Variants in CRY1 observed in about 807,000 individuals in gnomAD.
CRY1 encodes cryptochrome circadian regulator 1.
CRY1 carries 45 observed loss-of-function variants against 76.0 expected under a neutral mutation model. The observed-to-expected ratio is 0.59, with a 90% CI of 0.47 to 0.76. CRY1 has a LOEUF of 0.76. CRY1 is among the 30% of genes least tolerant of loss of function. The probability of loss-of-function intolerance (pLI) is 0.00; values close to 1 mark genes in which losing one functional copy is unlikely to be tolerated. For missense variants in CRY1, 587 were observed against 716.4 expected (o/e 0.82, Z 2.06); for synonymous variants, 248 against 244.0 (o/e 1.02, Z -0.15).
chr12:107,013,577 G>T (rs758981086), intron 2 of CRY1, among the ~76,000 whole-genome samples: 10 of 152,116 alleles, frequency 6.6e-5, no homozygotes, highest in Non-Finnish European at 1.2e-4. Flanking sequence ...CATCTCCCAG[G>T]TATGCCTGTA....
chr12:107,043,257 T>C (rs941444491), intron 1 of CRY1: 1 of 152,220 alleles, frequency 6.6e-6, no homozygotes, highest in Non-Finnish European at 1.5e-5. Flanking sequence ...ATCTTGCCTC[T>C]TGCAAAAACA....
chr12:107,058,255 T>C (rs1280350500), intron 1 of CRY1, among the ~76,000 whole-genome samples: 2 of 152,086 alleles, frequency 1.3e-5, no homozygotes, highest in Admixed American at 6.6e-5. Flanking sequence ...CCTCTTCCAC[T>C]AGCACCTGGT....
intron 1 of CRY1, among the ~76,000 whole-genome samples, chr12:107,048,736 C>T (rs759815826): frequency 3.3e-5 from 5 of 152,150 alleles, no homozygotes; most frequent in Admixed American, 6.5e-5. Flanking sequence ...CTTCAGCTAT[C>T]GTATTTTTCA....
At position 107,093,067 on chromosome 12, in the gene CRY1, G is replaced by T. The variant is rs1313708774; in HGVS notation, c.-106C>A. ...AGAATTGCCTCACCCGGGGCGTGAG[G>T]AAAGGGCGGCAGAGGGGGAACAGGA... On this transcript the variant is annotated 5_prime_UTR_variant, in exon 1 of 13. Transcript: ENST00000008527. The T allele has an allele frequency of 3.7e-6, 5 of 1,333,500 alleles. No homozygotes were observed. In the South Asian group the frequency reaches 4.7e-5, roughly 13 times the overall value. The allele number at this position is 1,333,500 out of a possible 1,614,324, so 82.6% of individuals were successfully genotyped here.
At chr12:107,033,285 A>G (rs1952698126) in intron 1 of CRY1, among the ~76,000 whole-genome samples, 1 of 152,218 alleles carries the variant, frequency 6.6e-6, no homozygotes, top group Non-Finnish European at 1.5e-5. Context: ...CAAGAAAAAC[A>G]CAAGAGTCAG....
chr12:107,030,064 C>A (rs1952658961), intron 1 of CRY1, among the ~76,000 whole-genome samples: 2 of 152,082 alleles, frequency 1.3e-5, no homozygotes. Flanking sequence ...TGCAACTAGG[C>A]CTTGTTCACC....
At chr12:107,076,834 C>T (rs913114927) in intron 1 of CRY1, among the ~76,000 whole-genome samples, 6 of 151,908 alleles carry the variant, frequency 3.9e-5, no homozygotes, top group African/African-American at 7.3e-5. Flanking sequence ...TTTACAATGG[C>T]GAGTTCTCAT....
chr12:107,045,823 C>T (rs536440917), intron 1 of CRY1, among the ~76,000 whole-genome samples: 138 of 150,682 alleles, frequency 9.2e-4, no homozygotes, highest in African/African-American at 2.7e-3. Context: ...GTGCGGGGAG[C>T]GGGGGAGGGA....
intron 1 of CRY1, among the ~76,000 whole-genome samples, chr12:107,069,353 T>A (rs1034590400): frequency 2.6e-5 from 4 of 151,146 alleles, no homozygotes; most frequent in African/African-American, 7.3e-5. Flanking sequence ...GCCTCCCGAG[T>A]AGCTGGGACT....
At chr12:106,996,913 T>C (rs1952238640) in intron 10 of CRY1, among the ~76,000 whole-genome samples, 1 of 152,226 alleles carries the variant, frequency 6.6e-6, no homozygotes, top group South Asian at 2.1e-4. Context: ...CAATAAATCT[T>C]TTGGCCATGT....
rs543506177 is a variant in CRY1 at position 107,058,065 on chromosome 12, A to C, written c.158+34739T>G. On this transcript the variant is annotated intron_variant, in intron 1 of 12. Coordinates refer to ENST00000008527, the MANE Select transcript of CRY1 (RefSeq NM_004075.5). Reference sequence around the variant, plus strand: ...AGCAAGGCCCTGTCTCAAAAATAAAAAAACAAACAAATATATAAAGTGTCA... The same window carrying C: ...AGCAAGGCCCTGTCTCAAAAATAAACAAACAAACAAATATATAAAGTGTCA... Among the ~76,000 whole-genome samples the C allele has an allele frequency of 5.1e-4, 77 of 152,292 alleles. No homozygotes were observed. In the South Asian group the frequency reaches 8.3e-3, roughly 16 times the overall value.
chr12:107,055,743 C>T (rs1952974885), intron 1 of CRY1, among the ~76,000 whole-genome samples: 1 of 151,860 alleles, frequency 6.6e-6, no homozygotes, highest in Non-Finnish European at 1.5e-5. Flanking sequence ...GGTGTAATTG[C>T]TCACACCTGT....
At chr12:107,029,870 T>G (rs1293769530) in intron 1 of CRY1, among the ~76,000 whole-genome samples, 1 of 152,186 alleles carries the variant, frequency 6.6e-6, no homozygotes, top group East Asian at 1.9e-4. Context: ...TAGATATCAC[T>G]AATATGCTCT....
Position 107,003,900 on chromosome 12 carries a change from G to A in CRY1, c.410+1206C>T, listed in dbSNP as rs146338065. Reference sequence around the variant, plus strand: ...TGGCTCACTGCAACGTCTGCCTCCCGGGTTCAAGTGATTCTCCTCCCTCAG... The same window carrying A: ...TGGCTCACTGCAACGTCTGCCTCCCAGGTTCAAGTGATTCTCCTCCCTCAG... On this transcript the variant is annotated intron_variant, in intron 3 of 12. Transcript: ENST00000008527. Among the ~76,000 whole-genome samples, 186 of 150,572 alleles carry A rather than the reference G, an allele frequency of 1.2e-3. 1 individual carries two copies. The East Asian group carries it at 0.018, about 15-fold the overall frequency.
chr12:107,092,814 T>C lies in CRY1; in HGVS notation c.148A>G (p.Asn50Asp). The C allele has an allele frequency of 6.2e-7, 1 of 1,611,710 alleles. No homozygotes were observed. The highest frequency in any genetic ancestry group is 8.5e-7 in the Non-Finnish European group (1 of 1,179,846). ...WFAGSSNVGI[N>D]RWRFLLQCLE... ...GGGCTTGTGACTCACCGCCACCTGT[T>C]GATGCCCACATTGGAGGAGCCGGCG... Residue 50 changes from asparagine to aspartate, a missense_variant, in exon 1 of 13, where the codon AAC becomes GAC. Coordinates refer to ENST00000008527, the MANE Select transcript of CRY1 (RefSeq NM_004075.5).
intron 1 of CRY1, among the ~76,000 whole-genome samples, chr12:107,064,668 C>T (rs533390165): frequency 8.5e-5 from 13 of 152,114 alleles, no homozygotes; most frequent in Non-Finnish European, 1.5e-4. Flanking sequence ...CACACAATAT[C>T]GCCAAATAAC....
intron 1 of CRY1, among the ~76,000 whole-genome samples, chr12:107,072,641 T>C (rs1953203853): frequency 6.6e-6 from 1 of 152,180 alleles, no homozygotes; most frequent in Non-Finnish European, 1.5e-5. Context: ...AAAAGAAAAA[T>C]ATGAATTAAT....
chr12:107,017,106 A>G (rs1952504960), intron 2 of CRY1, among the ~76,000 whole-genome samples: 1 of 152,206 alleles, frequency 6.6e-6, no homozygotes, highest in South Asian at 2.1e-4. Context: ...TCATGAGTTA[A>G]ATCATGTCAC....
rs1413044623 is a variant in CRY1 at position 106,998,679 on chromosome 12, C to CACACACACACACAT, written c.1138-614_1138-613insATGTGTGTGTGTGT. On this transcript the variant is annotated intron_variant, in intron 7 of 12. Transcript: ENST00000008527. ...GATTAAACACACACACACACACACA[C>CACACACACACACAT]ACACACACACACAAGCTCAGAAATG... Among the ~76,000 whole-genome samples, 672 of 151,744 alleles carry CACACACACACACAT rather than the reference C, an allele frequency of 4.4e-3. 5 individuals carry two copies. Among genetic ancestry groups the CACACACACACACAT allele is most frequent in the African/African-American group, 0.015 (636 of 41,332 alleles).
Sources: allele counts gnomAD v4.1 joint callset (sites outside exome capture counted in the v4.1 genomes callset), GRCh38; gene constraint gnomAD v4.1.1; transcripts MANE v1.5; gene names NCBI Gene and HGNC (gene_info 2026-07-23, HGNC 2026-07-21).